SHANK2: variants seen among roughly 807,000 people sequenced by gnomAD.
SHANK2 encodes SH3 and multiple ankyrin repeat domains protein 2.
Under a neutral mutation model 133.7 loss-of-function variants are expected in SHANK2, and 43 were observed. The ratio of observed to expected loss-of-function variants is 0.32; its 90% CI spans 0.25 to 0.41. SHANK2 has a LOEUF of 0.41. Among genes scored for constraint, SHANK2 ranks in the 10% least tolerant of loss-of-function variants. The pLI is 1.00. For missense variants in SHANK2, 1,994 were observed against 2,235.8 expected (o/e 0.89, Z 2.18); for synonymous variants, 1,017 against 952.8 (o/e 1.07, Z -1.24).
chr11:70,822,520 T>A (rs1421849265), intron 11 of SHANK2, among the ~76,000 whole-genome samples: 1 of 128,500 alleles, frequency 7.8e-6, no homozygotes, highest in Non-Finnish European at 1.6e-5. Context: ...GTTGGCAGAG[T>A]TCATGAGGGA....
rs2058799925 is a variant in SHANK2, at chr11:70,486,115, G to A, written c.4178C>T (p.Pro1393Leu). The change falls in exon 25 of 26, where the codon CCT (proline) becomes CTT (leucine). Residue 1393 changes from proline (P) to leucine (L), a missense_variant. Pro to Leu is a moderately conservative substitution (Grantham distance 98). Coordinates refer to ENST00000601538, the MANE Select transcript of SHANK2 (RefSeq NM_012309.5). The surrounding 1 kb of genome is among the most constrained non-coding windows in gnomAD (Gnocchi z 8.0). ...CAAGTCCACGGATGCCAGAGGGGGA[G>A]GAGGGATGCGGAATGGCAAAATCAC... ...EAVILPFRIP[P>L]PPLASVDLDE... 7 of 1,614,048 alleles carry A rather than the reference G, an allele frequency of 4.3e-6. No individual in the cohort carries two copies. The highest frequency in any genetic ancestry group is 5.9e-6 in the Non-Finnish European group (7 of 1,180,000).
Position 71,094,576 on chromosome 11 carries a change from T to A in SHANK2, c.705A>T (p.Leu235=). Residue 235 remains leucine (L), a synonymous_variant, in exon 7 of 26, where the codon CTA becomes CTT. Coordinates refer to ENST00000601538, the MANE Select transcript of SHANK2 (RefSeq NM_012309.5). ...DFRAKDGMTA[L]HKAARARNQV... Reference sequence around the variant, plus strand: ...GGTTCCTCGCTCGGGCAGCTTTGTGTAGGGCGGTCATCCCATCTTTGGCAC... The same window carrying A: ...GGTTCCTCGCTCGGGCAGCTTTGTGAAGGGCGGTCATCCCATCTTTGGCAC... 1 of 1,551,620 alleles carries A rather than the reference T, an allele frequency of 6.4e-7. No homozygotes were observed. Among genetic ancestry groups the A allele is most frequent in the South Asian group, 1.2e-5 (1 of 84,056 alleles).
At chr11:71,162,844 G>T (rs144767261) in intron 2 of SHANK2, among the ~76,000 whole-genome samples, 1 of 151,736 alleles carries the variant, frequency 6.6e-6, no homozygotes, top group Non-Finnish European at 1.5e-5. Flanking sequence ...AGGTCAAGAC[G>T]GGCAGATCAC....
chr11:70,771,560 G>A (rs1441595314), intron 14 of SHANK2, among the ~76,000 whole-genome samples: 15 of 152,202 alleles, frequency 9.9e-5, no homozygotes, highest in African/African-American at 2.9e-4. Flanking sequence ...CCATCGGGTC[G>A]GACGATGGCT....
chr11:70,512,952 T>G (rs2059221607), intron 17 of SHANK2, among the ~76,000 whole-genome samples: 1 of 151,638 alleles, frequency 6.6e-6, no homozygotes, highest in Admixed American at 6.6e-5. Flanking sequence ...GGTTGGGGAA[T>G]AAGGTAAAGT....
At chr11:71,119,119 C>G in intron 3 of SHANK2, 87 bp from the exon 4 acceptor site, 1 of 1,123,790 alleles carries the variant, frequency 8.9e-7, no homozygotes, top group Admixed American at 2.1e-5. Context: ...AGAGGCAAAG[C>G]TGCTTCCACC....
chr11:70,933,656 A>G (rs1248949078), intron 10 of SHANK2, among the ~76,000 whole-genome samples: 6 of 152,246 alleles, frequency 3.9e-5, no homozygotes, highest in African/African-American at 1.4e-4. Context: ...GTGGTGGCTC[A>G]TGCCTGTAAT....
intron 14 of SHANK2, among the ~76,000 whole-genome samples, chr11:70,728,321 G>A (rs1555031217): frequency 6.6e-6 from 1 of 152,252 alleles, no homozygotes; most frequent in Non-Finnish European, 1.5e-5. Flanking sequence ...AGAAGGGACA[G>A]AGGTTTGTCT....
intron 17 of SHANK2, among the ~76,000 whole-genome samples, chr11:70,527,324 G>A (rs1430804543): frequency 3.9e-5 from 6 of 152,272 alleles, no homozygotes; most frequent in Middle Eastern, 6.8e-3. Flanking sequence ...TTCTGGGGCC[G>A]GGCTGGACTC....
At position 70,820,508 on chromosome 11, in the gene SHANK2, A is replaced by T. The variant is rs1948494162; in HGVS notation, c.1349T>A (p.Leu450Gln). The T allele has an allele frequency of 1.4e-6, 1 of 716,946 alleles. No individual in the cohort carries two copies. The highest frequency in any genetic ancestry group is 2.0e-5 in the Admixed American group (1 of 49,988). The allele number at this position is 716,946 out of a possible 1,614,324, so 44.4% of individuals were successfully genotyped here. Residue 450 changes from leucine (L) to glutamine (Q), a missense_variant, in exon 12 of 26, where the codon CTG becomes CAG. Around this residue, in one of 5 missense-constraint regions of SHANK2, gnomAD observed 653 missense variants for 563.4 expected, o/e 1.16. Transcript: ENST00000601538. ...TSHRSLSPQL[L>Q]QQMPSKPEGA... ...CTCGGGCTTGCTGGGCATCTGCTGC[A>T]GCAGCTGGGGTGACAGGCTGCGGTG... is the stretch of plus-strand genomic sequence containing the variant.
intron 2 of SHANK2, among the ~76,000 whole-genome samples, chr11:71,196,746 C>T (rs1014844011): frequency 6.6e-6 from 1 of 151,754 alleles, no homozygotes; most frequent in Non-Finnish European, 1.5e-5. Flanking sequence ...GCCTACAATT[C>T]CAGCACTTTG....
chr11:70,698,448 T>G (rs1454129611), intron 15 of SHANK2, among the ~76,000 whole-genome samples: 1 of 152,156 alleles, frequency 6.6e-6, no homozygotes, highest in African/African-American at 2.4e-5. Flanking sequence ...TACCCAGCCC[T>G]CTCCCTGGGG....
chr11:70,805,450 G>A (rs1555051614), intron 13 of SHANK2, among the ~76,000 whole-genome samples: 1 of 152,208 alleles, frequency 6.6e-6, no homozygotes, highest in Admixed American at 6.5e-5. Context: ...AACAAGGCCG[G>A]CATCGGCCCT....
At chr11:70,757,856 C>T (rs1397611295) in intron 14 of SHANK2, among the ~76,000 whole-genome samples, 1 of 152,182 alleles carries the variant, frequency 6.6e-6, no homozygotes, top group Non-Finnish European at 1.5e-5. Flanking sequence ...AGGGTTGCTA[C>T]AACAAATGAC....
At chr11:70,897,253 G>A (rs1303367480) in intron 10 of SHANK2, among the ~76,000 whole-genome samples, 10 of 152,172 alleles carry the variant, frequency 6.6e-5, no homozygotes, top group Admixed American at 4.6e-4. Flanking sequence ...GAGACCACAC[G>A]GGCAAGGCAC....
intron 14 of SHANK2, among the ~76,000 whole-genome samples, chr11:70,776,597 A>C (rs187617942): frequency 9.9e-5 from 15 of 152,256 alleles, no homozygotes; most frequent in Non-Finnish European, 1.6e-4. Context: ...AGGGATGCAC[A>C]ACTTGAATTG....
intron 14 of SHANK2, among the ~76,000 whole-genome samples, chr11:70,733,805 G>T (rs1311716971): frequency 5.3e-5 from 8 of 152,204 alleles, no homozygotes; most frequent in Non-Finnish European, 1.0e-4. Context: ...AAGAAGAGGG[G>T]CAGGCTCAGC....
chr11:70,550,597 G>T (rs1365130155), intron 17 of SHANK2, among the ~76,000 whole-genome samples: 1 of 152,212 alleles, frequency 6.6e-6, no homozygotes, highest in Non-Finnish European at 1.5e-5. Flanking sequence ...CATCCAAGGG[G>T]TCGGCTCGCA....
At chr11:70,780,205 C>T (rs1277597705) in intron 14 of SHANK2, among the ~76,000 whole-genome samples, 1 of 152,140 alleles carries the variant, frequency 6.6e-6, no homozygotes, top group Non-Finnish European at 1.5e-5. Flanking sequence ...AAATTCCTTT[C>T]GTAGGGACAG....
Sources: gnomAD v4.1 joint callset for allele counts (sites outside exome capture counted in the v4.1 genomes callset) on GRCh38, gnomAD v4.1.1 for gene constraint, gnomAD v4.1.1 regional missense constraint, Gnocchi (gnomAD v3.1) non-coding constraint, MANE v1.5 for transcripts, NCBI Gene and HGNC (gene_info 2026-07-23, HGNC 2026-07-21) for gene names.